RAX2: variants seen among roughly 807,000 people sequenced by gnomAD.
RAX2 encodes retina and anterior neural fold homeobox 2.
A neutral mutation model predicts 5.8 loss-of-function variants in RAX2; 4 were observed. The observed-to-expected ratio is 0.69, with a 90% CI of 0.34 to 1.58. The LOEUF is 1.58. RAX2 is among the 40% of genes most tolerant of loss of function. The pLI, the probability that RAX2 is intolerant of heterozygous loss-of-function variation, is 0.05. For missense variants in RAX2, 275 were observed against 271.4 expected (o/e 1.01, Z -0.09); for synonymous variants, 133 against 128.8 (o/e 1.03, Z -0.22).
rs866964205 is a variant in RAX2, at chr19:3,770,484, G to A, written c.*137C>T. 1.4e-5 allele frequency: 10 copies of A among 704,930 alleles called. No individual in the cohort carries two copies. Among genetic ancestry groups the A allele is most frequent in the Middle Eastern group, 8.0e-4 (2 of 2,508 alleles). The allele number at this position is 704,930 out of a possible 1,614,324, so 43.7% of individuals were successfully genotyped here. The stretch of plus-strand genomic sequence containing the variant: ...CCCAGCAGCCTGTCTCTCTGGTCCC[G>A]CTCCCCAGTGGTGGTGGCCTGGCCT... On this transcript the variant is annotated 3_prime_UTR_variant, in exon 3 of 3. Coordinates refer to ENST00000555633, the MANE Select transcript of RAX2 (RefSeq NM_001319074.4).
rs2037228616 is a variant in RAX2 at position 3,769,664 on chromosome 19, C to G, written c.*957G>C. On this transcript the variant is annotated 3_prime_UTR_variant, in exon 3 of 3. Coordinates refer to ENST00000555633, the MANE Select transcript of RAX2 (RefSeq NM_001319074.4). ...GTCCCATCCCATGCCTCAGGGCCCC[C>G]TCCTGCTGCACTGGGCCAGCCGTGC... 6.5e-6 allele frequency: 1 copy of G among 152,852 alleles called. No individual in the cohort carries two copies. The highest frequency in any genetic ancestry group is 1.5e-5 in the Non-Finnish European group (1 of 68,502). 9.5% of individuals were successfully genotyped at this position (152,852 alleles called of 1,614,324 possible). A position where few individuals can be genotyped will look rare whatever the true frequency, so the allele number is the denominator to read the frequency against.
In RAX2 at chr19:3,769,764, G is replaced by C. The variant is rs2037230066; in HGVS notation, c.*857C>G. 2 of 153,316 alleles carry C rather than the reference G, an allele frequency of 1.3e-5. No homozygotes were observed. The highest frequency in any genetic ancestry group is 1.3e-4 in the Admixed American group (2 of 15,302). 9.5% of individuals were successfully genotyped at this position (153,316 alleles called of 1,614,324 possible). A position where few individuals can be genotyped will look rare whatever the true frequency, so the allele number is the denominator to read the frequency against. On this transcript the variant is annotated 3_prime_UTR_variant, in exon 3 of 3. Transcript: ENST00000555633. ...GCTCTTGGGCGATGCGGCTGGGTTG[G>C]ACAGAGCAGATGCTGGCCATGCCTC...
chr19:3,771,543 G>C lies in RAX2; in HGVS notation c.200C>G (p.Pro67Arg). The C allele has an allele frequency of 6.2e-7, 1 of 1,604,576 alleles. No homozygotes were observed. Among genetic ancestry groups the C allele is most frequent in the Non-Finnish European group, 8.5e-7 (1 of 1,176,016 alleles). ...REELAAKVHL[P>R]EVRVQVWFQN... is the part of the protein sequence containing the mutation. Reference sequence around the variant, plus strand: ...TGCCCTCACCTGCACGCGCACCTCAGGTAGGTGCACCTTGGCTGCCAGCTC... The same window carrying C: ...TGCCCTCACCTGCACGCGCACCTCACGTAGGTGCACCTTGGCTGCCAGCTC... Residue 67 changes from proline to arginine, a missense_variant, in exon 2 of 3, where the codon CCT becomes CGT. Physicochemically the swap from Pro to Arg is moderately radical, Grantham distance 103 (BLOSUM62 -2). Transcript: ENST00000555633. The surrounding 1 kb of genome is among the most constrained non-coding windows in gnomAD (Gnocchi z 4.2).
chr19:3,770,795 CG>C lies in RAX2; in HGVS notation c.380del (p.Pro127ArgfsTer87). 6.6e-7 allele frequency: 1 copy of C among 1,519,046 alleles called. No homozygotes were observed. The highest frequency in any genetic ancestry group is 8.8e-7 in the Non-Finnish European group (1 of 1,139,784). The allele number at this position is 1,519,046 out of a possible 1,614,324, so 94.1% of individuals were successfully genotyped here. A position where few individuals can be genotyped will look rare whatever the true frequency, so the allele number is the denominator to read the frequency against. ...PLEPWLGPGP[P>X]AVPGLPRLLG... Reference sequence around the variant, plus strand: ...GGAGGCGGGGGAGGCCTGGCACGGCCGGCGGTCCGGGGCCCAACCAGGGCTC... The same window carrying C: ...GGAGGCGGGGGAGGCCTGGCACGGCCGCGGTCCGGGGCCCAACCAGGGCTC... On this transcript the variant is annotated frameshift_variant, in exon 3 of 3. Transcript: ENST00000555633. LOFTEE classifies it low-confidence loss of function (END_TRUNC).
chr19:3,770,631 G>A lies in RAX2; in HGVS notation c.545C>T (p.Pro182Leu), dbSNP rs1207025589. Residue 182 changes from proline (P) to leucine (L), a missense_variant, in exon 3 of 3, where the codon CCG (proline) becomes CTG (leucine). Pro to Leu is a moderately conservative substitution (Grantham distance 98). Transcript: ENST00000555633. The stretch of plus-strand genomic sequence containing the variant: ...GGGAGGGCGGCAGGCTCAGGCTGGC[G>A]GCCAGGCCCTGTCCAGAGCCTGTGC... The part of the protein sequence containing the change: ...EHAQALDRAW[P>L]PA 6.5e-6 allele frequency: 10 copies of A among 1,533,320 alleles called. No homozygotes were observed. The highest frequency in any genetic ancestry group is 2.5e-5 in the East Asian group (1 of 40,806). 95.0% of individuals were successfully genotyped at this position (1,533,320 alleles called of 1,614,324 possible).
chr19:3,771,772 C>A lies in RAX2; in HGVS notation c.-30G>T. Reference sequence around the variant, plus strand: ...CCCACCTGGTGGGACGGCAGCGGGACAGATGGTGGGGAGACGGCTGGGGGG... The same window carrying A: ...CCCACCTGGTGGGACGGCAGCGGGAAAGATGGTGGGGAGACGGCTGGGGGG... On this transcript the variant is annotated 5_prime_UTR_variant, in exon 2 of 3. Coordinates refer to ENST00000555633, the MANE Select transcript of RAX2 (RefSeq NM_001319074.4). The surrounding 1 kb of genome is among the most constrained non-coding windows in gnomAD (Gnocchi z 4.2). The A allele has an allele frequency of 6.4e-7, 1 of 1,562,902 alleles. No individual in the cohort carries two copies.
Position 3,771,711 on chromosome 19 carries a change from G to A in RAX2, c.32C>T (p.Thr11Ile). 1 of 1,609,648 alleles carries A rather than the reference G, an allele frequency of 6.2e-7. No individual in the cohort carries two copies. Among genetic ancestry groups the A allele is most frequent in the Non-Finnish European group, 8.5e-7 (1 of 1,179,328 alleles). ...GCCCGGCCCCAGACCCCCACCCTCG[G>A]TTGCCGGCCCCTCGCCCGGGCTCAG... MFLSPGEGPA[T>I]EGGGLGPGEE... is the part of the protein sequence containing the mutation. The change falls in exon 2 of 3, where the codon ACC (threonine) becomes ATC (isoleucine). Residue 11 changes from threonine (T) to isoleucine (I), a missense_variant. Physicochemically the swap from Thr to Ile is moderately conservative, Grantham distance 89. Transcript: ENST00000555633. This position sits in a 1 kb window ranked among gnomAD's most constrained non-coding sequence, Gnocchi z 4.2.
Position 3,771,761 on chromosome 19 carries a change from C to A in RAX2, c.-19G>T. 6.3e-7 allele frequency: 1 copy of A among 1,576,536 alleles called. No individual in the cohort carries two copies. The highest frequency in any genetic ancestry group is 8.6e-7 in the Non-Finnish European group (1 of 1,165,258). On this transcript the variant is annotated 5_prime_UTR_variant, in exon 2 of 3. Coordinates refer to ENST00000555633, the MANE Select transcript of RAX2 (RefSeq NM_001319074.4). The surrounding 1 kb of genome is among the most constrained non-coding windows in gnomAD (Gnocchi z 4.2). The stretch of plus-strand genomic sequence containing the variant: ...GGAACATGGCTCCCACCTGGTGGGA[C>A]GGCAGCGGGACAGATGGTGGGGAGA...
At position 3,771,841 on chromosome 19, in the gene RAX2, C is replaced by G. The variant is rs546377680; in HGVS notation, c.-99G>C. 11 of 1,467,540 alleles carry G rather than the reference C, an allele frequency of 7.5e-6. No homozygotes were observed. In the Admixed American group the frequency reaches 2.1e-4, roughly 28 times the overall value. The allele number at this position is 1,467,540 out of a possible 1,614,324, so 90.9% of individuals were successfully genotyped here. On this transcript the variant is annotated 5_prime_UTR_variant, in exon 2 of 3. Coordinates refer to ENST00000555633, the MANE Select transcript of RAX2 (RefSeq NM_001319074.4). This position sits in a 1 kb window ranked among gnomAD's most constrained non-coding sequence, Gnocchi z 4.2. ...GCAGGGGAGCCCCAGGCTTGCCTCC[C>G]GGCTCCGGGGAAATCGGTTCCCTCC...
Position 3,770,967 on chromosome 19 carries a change from G to T in RAX2, c.217-8C>A, listed in dbSNP as rs79588413. 6.4e-6 allele frequency: 10 copies of T among 1,551,256 alleles called. No individual in the cohort carries two copies. Among genetic ancestry groups the T allele is most frequent in the Non-Finnish European group, 8.7e-6 (10 of 1,154,068 alleles). On this transcript the variant is annotated splice_polypyrimidine_tract_variant and splice_region_variant and intron_variant, in intron 2 of 2. Coordinates refer to ENST00000555633, the MANE Select transcript of RAX2 (RefSeq NM_001319074.4). ...GCGGTTCTGGAACCACACCTGGAGG[G>T]TGCGAGAGGGAAGGGGGGTTGCTGT... is the stretch of plus-strand genomic sequence containing the variant.
chr19:3,771,417 C>T lies in RAX2; in HGVS notation c.216+110G>A, dbSNP rs1269175356. 2 of 898,908 alleles carry T rather than the reference C, an allele frequency of 2.2e-6. No individual in the cohort carries two copies. The highest frequency in any genetic ancestry group is 2.6e-5 in the East Asian group (1 of 37,806). 55.7% of individuals were successfully genotyped at this position (898,908 alleles called of 1,614,324 possible). A position where few individuals can be genotyped will look rare whatever the true frequency, so the allele number is the denominator to read the frequency against. ...AACCTCAGCTCCCACACCCCCTCCT[C>T]CAGGAAGCCTTCCTAGCTTCTCTTC... On this transcript the variant is annotated intron_variant, in intron 2 of 2. Coordinates refer to ENST00000555633, the MANE Select transcript of RAX2 (RefSeq NM_001319074.4). The surrounding 1 kb of genome is among the most constrained non-coding windows in gnomAD (Gnocchi z 4.2).
Position 3,771,722 on chromosome 19 carries a change from C to T in RAX2, c.21G>A (p.Glu7=). The part of the protein sequence containing the change: MFLSPG[E]GPATEGGGLG... ...GACCCCCACCCTCGGTTGCCGGCCCCTCGCCCGGGCTCAGGAACATGGCTC... is the reference window on the plus strand; with the variant it reads ...GACCCCCACCCTCGGTTGCCGGCCCTTCGCCCGGGCTCAGGAACATGGCTC... The change falls in exon 2 of 3, where the codon GAG becomes GAA. Residue 7 remains glutamate (E), a synonymous_variant. Transcript: ENST00000555633. This position sits in a 1 kb window ranked among gnomAD's most constrained non-coding sequence, Gnocchi z 4.2. The T allele has an allele frequency of 6.2e-7, 1 of 1,604,958 alleles. No individual in the cohort carries two copies. The highest frequency in any genetic ancestry group is 8.5e-7 in the Non-Finnish European group (1 of 1,178,288).
chr19:3,771,827 C>A lies in RAX2; in HGVS notation c.-85G>T. 6.8e-7 allele frequency: 1 copy of A among 1,478,118 alleles called. No homozygotes were observed. Among genetic ancestry groups the A allele is most frequent in the Non-Finnish European group, 9.0e-7 (1 of 1,115,388 alleles). 91.6% of individuals were successfully genotyped at this position (1,478,118 alleles called of 1,614,324 possible). On this transcript the variant is annotated 5_prime_UTR_variant, in exon 2 of 3. Transcript: ENST00000555633. The surrounding 1 kb of genome is among the most constrained non-coding windows in gnomAD (Gnocchi z 4.2). The stretch of plus-strand genomic sequence containing the variant: ...CCGGCAGGGACAGGGCAGGGGAGCC[C>A]CAGGCTTGCCTCCCGGCTCCGGGGA...
In RAX2 at chr19:3,771,820, G is replaced by T; in HGVS notation, c.-78C>A. 1 of 1,487,900 alleles carries T rather than the reference G, an allele frequency of 6.7e-7. No individual in the cohort carries two copies. The highest frequency in any genetic ancestry group is 1.3e-5 in the South Asian group (1 of 77,460). The allele number at this position is 1,487,900 out of a possible 1,614,324, so 92.2% of individuals were successfully genotyped here. ...GGGGCTACCGGCAGGGACAGGGCAG[G>T]GGAGCCCCAGGCTTGCCTCCCGGCT... On this transcript the variant is annotated 5_prime_UTR_variant, in exon 2 of 3. Transcript: ENST00000555633. This position sits in a 1 kb window ranked among gnomAD's most constrained non-coding sequence, Gnocchi z 4.2.
rs112538462 is a variant in RAX2 at position 3,770,682 on chromosome 19, G to T, written c.494C>A (p.Ser165Tyr). 3 of 1,535,682 alleles carry T rather than the reference G, an allele frequency of 2.0e-6. No individual in the cohort carries two copies. Among genetic ancestry groups the T allele is most frequent in the South Asian group, 2.4e-5 (2 of 84,024 alleles). The change falls in exon 3 of 3, where the codon TCC (serine) becomes TAC (tyrosine). Residue 165 changes from serine (S) to tyrosine (Y), a missense_variant. Coordinates refer to ENST00000555633, the MANE Select transcript of RAX2 (RefSeq NM_001319074.4). ...ATGTTCCTTGGCCAGCAGCCGCAGG[G>T]ACGCCTCCTCCAGGGCGAAGCCATC... ...FADGFALEEA[S>Y]LRLLAKEHAQ...
Position 3,769,830 on chromosome 19 carries a change from G to A in RAX2, c.*791C>T, listed in dbSNP as rs2145734986. ...CAGGGCCTGGGGTCTGTGGGGACGTGAGGAACGGTCTGACGATGACGACAC... is the reference window on the plus strand; with the variant it reads ...CAGGGCCTGGGGTCTGTGGGGACGTAAGGAACGGTCTGACGATGACGACAC... On this transcript the variant is annotated 3_prime_UTR_variant, in exon 3 of 3. Transcript: ENST00000555633. 1 of 152,902 alleles carries A rather than the reference G, an allele frequency of 6.5e-6. No homozygotes were observed. Among genetic ancestry groups the A allele is most frequent in the Middle Eastern group, 3.4e-3 (1 of 298 alleles). The allele number at this position is 152,902 out of a possible 1,614,324, so 9.5% of individuals were successfully genotyped here. A position where few individuals can be genotyped will look rare whatever the true frequency, so the allele number is the denominator to read the frequency against.
In RAX2 at chr19:3,771,763, G is replaced by A; in HGVS notation, c.-21C>T. 1 of 1,572,830 alleles carries A rather than the reference G, an allele frequency of 6.4e-7. No individual in the cohort carries two copies. Among genetic ancestry groups the A allele is most frequent in the Non-Finnish European group, 8.6e-7 (1 of 1,162,912 alleles). On this transcript the variant is annotated 5_prime_UTR_variant, in exon 2 of 3. Transcript: ENST00000555633. The surrounding 1 kb of genome is among the most constrained non-coding windows in gnomAD (Gnocchi z 4.2). Reference sequence around the variant, plus strand: ...AACATGGCTCCCACCTGGTGGGACGGCAGCGGGACAGATGGTGGGGAGACG... The same window carrying A: ...AACATGGCTCCCACCTGGTGGGACGACAGCGGGACAGATGGTGGGGAGACG...
chr19:3,769,895 A>T lies in RAX2; in HGVS notation c.*726T>A, dbSNP rs2037232410. ...CGCCTCCACCTGGAGGCCCACCAGC[A>T]CCTGGCCCGGGACCCACCCTCTCTC... On this transcript the variant is annotated 3_prime_UTR_variant, in exon 3 of 3. Transcript: ENST00000555633. 1 of 150,240 alleles carries T rather than the reference A, an allele frequency of 6.7e-6. No individual in the cohort carries two copies. Among genetic ancestry groups the T allele is most frequent in the African/African-American group, 2.6e-5 (1 of 39,126 alleles). 9.3% of individuals were successfully genotyped at this position (150,240 alleles called of 1,614,324 possible).
Position 3,771,947 on chromosome 19 carries a change from C to G in RAX2, c.-205G>C. ...GTCTCCTGCTGTGCCTCTGTCTGCT[C>G]TTCCTTCTCTCTGTGTGTGTCACCG... On this transcript the variant is annotated 5_prime_UTR_variant, in exon 2 of 3. Coordinates refer to ENST00000555633, the MANE Select transcript of RAX2 (RefSeq NM_001319074.4). This position sits in a 1 kb window ranked among gnomAD's most constrained non-coding sequence, Gnocchi z 4.2. 1.1e-6 allele frequency: 1 copy of G among 892,466 alleles called. No individual in the cohort carries two copies. The highest frequency in any genetic ancestry group is 1.7e-6 in the Non-Finnish European group (1 of 604,028). 55.3% of individuals were successfully genotyped at this position (892,466 alleles called of 1,614,324 possible). A position where few individuals can be genotyped will look rare whatever the true frequency, so the allele number is the denominator to read the frequency against.
Sources: gnomAD v4.1 joint callset for allele counts on GRCh38, gnomAD v4.1.1 for gene constraint, Gnocchi (gnomAD v3.1) non-coding constraint, MANE v1.5 for transcripts, NCBI Gene and HGNC (gene_info 2026-07-23, HGNC 2026-07-21) for gene names.